The following TENM4 variants were observed in gnomAD, a reference collection of about 807,000 sequenced individuals.
TENM4 encodes the protein teneurin transmembrane protein 4.
In TENM4, 82 loss-of-function variants were observed where a neutral mutation model predicts 243.3. The observed-to-expected ratio is 0.34, with a 90% CI of 0.28 to 0.40. The LOEUF is 0.40. Among genes scored for constraint, TENM4 ranks in the 10% least tolerant of loss-of-function variants. The probability of loss-of-function intolerance (pLI) is 1.00; values close to 1 mark genes in which losing one functional copy is unlikely to be tolerated. For missense variants in TENM4, 3,138 were observed against 3,673.3 expected, an observed-to-expected ratio of 0.85 and a Z score of 3.77; for synonymous variants, 1,412 against 1,456.3, an observed-to-expected ratio of 0.97 and a Z score of 0.69.
intron 2 of TENM4, among the ~76,000 whole-genome samples, chr11:79,288,869 T>G (rs183244706): frequency 2.0e-5 from 3 of 150,650 alleles, no homozygotes; most frequent in African/African-American, 7.4e-5. Flanking sequence ...GATGACAAGA[T>G]AGTGTGTGGT....
At chr11:79,022,989 C>A (rs114952189) in intron 6 of TENM4, among the ~76,000 whole-genome samples, 4 of 152,204 alleles carry the variant, frequency 2.6e-5, no homozygotes, top group Non-Finnish European at 4.4e-5. Context: ...AGTGAAGTAA[C>A]CTGCCTGAGG....
chr11:79,322,589 C>T (rs546592383), intron 1 of TENM4, among the ~76,000 whole-genome samples: 1 of 152,000 alleles, frequency 6.6e-6, no homozygotes, highest in Non-Finnish European at 1.5e-5. Flanking sequence ...CTCCCCAAAA[C>T]ACAACACAAC....
Position 78,963,498 on chromosome 11 carries a change from G to T in TENM4, c.494-59975C>A, listed in dbSNP as rs556744212. Among the ~76,000 whole-genome samples the T allele has an allele frequency of 4.3e-4, 65 of 152,320 alleles. No individual in the cohort carries two copies. The South Asian group carries it at 0.013, about 31-fold the overall frequency. On this transcript the variant is annotated intron_variant, in intron 6 of 33. Coordinates refer to ENST00000278550, the MANE Select transcript of TENM4 (RefSeq NM_001098816.3). ...TTTCTCCCACCTTGAGTGACAGAAG[G>T]TTTATAACATAGTCATATCCATCCA...
chr11:79,072,046 G>C (rs1241729727), intron 4 of TENM4, among the ~76,000 whole-genome samples: 1 of 152,106 alleles, frequency 6.6e-6, no homozygotes, highest in African/African-American at 2.4e-5. Flanking sequence ...TCTGAGCTCT[G>C]CCATCCTGAT....
intron 6 of TENM4, among the ~76,000 whole-genome samples, chr11:78,970,420 C>T (rs879814450): frequency 2.6e-5 from 4 of 152,232 alleles, no homozygotes; most frequent in East Asian, 1.9e-4. Flanking sequence ...GTGACAGCCC[C>T]GATTTACATC....
intron 6 of TENM4, among the ~76,000 whole-genome samples, chr11:79,005,377 C>G (rs1031156289): frequency 2.0e-5 from 3 of 152,110 alleles, no homozygotes; most frequent in Non-Finnish European, 4.4e-5. Flanking sequence ...AAGTCAAATC[C>G]AGGAGCACAT....
intron 19 of TENM4, among the ~76,000 whole-genome samples, chr11:78,740,042 T>C (rs1349249288): frequency 6.6e-6 from 1 of 152,210 alleles, no homozygotes; most frequent in South Asian, 2.1e-4. Flanking sequence ...AAGCCCTCGC[T>C]GAAAGACAGC....
chr11:78,820,108 T>C (rs953464430), intron 12 of TENM4, among the ~76,000 whole-genome samples: 2 of 152,236 alleles, frequency 1.3e-5, no homozygotes, highest in African/African-American at 4.8e-5. Flanking sequence ...AAATGGAAAC[T>C]AGATAGCATA....
chr11:78,912,079 T>C (rs1856201986), intron 6 of TENM4, among the ~76,000 whole-genome samples: 1 of 152,090 alleles, frequency 6.6e-6, no homozygotes, highest in South Asian at 2.1e-4. Flanking sequence ...GGGCCTGGCA[T>C]GAGTGAGCAA....
intron 14 of TENM4, among the ~76,000 whole-genome samples, chr11:78,805,721 ATG>A (rs1430693795): frequency 6.6e-6 from 1 of 152,118 alleles, no homozygotes; most frequent in Non-Finnish European, 1.5e-5. Context: ...AAAGTAAGAA[ATG>A]TGTCTCAAGC....
chr11:79,137,877 T>C (rs377572871), intron 4 of TENM4, among the ~76,000 whole-genome samples: 1 of 152,094 alleles, frequency 6.6e-6, no homozygotes, highest in Non-Finnish European at 1.5e-5. Flanking sequence ...AGATTATGTA[T>C]GATCTCAAGA....
chr11:79,001,627 CTTACTATTCTCCT>C (rs1163794677), intron 6 of TENM4, among the ~76,000 whole-genome samples: 5 of 152,190 alleles, frequency 3.3e-5, no homozygotes, highest in African/African-American at 9.7e-5. Context: ...TTCTCCATGG[CTTACTATTCTCCT>C]TTAGGAGATT....
At position 78,889,951 on chromosome 11, in the gene TENM4, C is replaced by T. The variant is rs547849731; in HGVS notation, c.918G>A (p.Thr306=). The stretch of plus-strand genomic sequence containing the variant: ...GCGGAGGAGAGTACACTGTGCTGGA[C>T]GTCAGTGGGTACCCTGGTGATGTGG... ...FCTTSPGYPL[T]SSTVYSPPPR... The change falls in exon 9 of 34, where the codon ACG becomes ACA. Residue 306 remains threonine, a synonymous_variant. Transcript: ENST00000278550. 31 of 1,551,552 alleles carry T rather than the reference C, an allele frequency of 2.0e-5. No homozygotes were observed. The African/African-American group carries it at 2.2e-4, about 11-fold the overall frequency.
At position 79,440,303 on chromosome 11, in the gene TENM4, C is replaced by T. The variant is rs1422195503; in HGVS notation, c.-321+206G>A. ...CGGGGGCTGCGGCGGCTCCAGGCTC[C>T]AGAACAGCTTGCCTCTTCGGCCACC... On this transcript the variant is annotated intron_variant, in intron 1 of 33. Transcript: ENST00000278550. This position sits in a 1 kb window ranked among gnomAD's most constrained non-coding sequence, Gnocchi z 4.7. 6.6e-6 allele frequency among the ~76,000 whole-genome samples: 1 copy of T among 152,104 alleles called. No homozygotes were observed. Among genetic ancestry groups the T allele is most frequent in the East Asian group, 1.9e-4 (1 of 5,150 alleles).
intron 1 of TENM4, among the ~76,000 whole-genome samples, chr11:79,390,404 G>T (rs919612229): frequency 1.3e-5 from 2 of 152,228 alleles, no homozygotes; most frequent in Non-Finnish European, 2.9e-5. Flanking sequence ...CTTGGATATA[G>T]TTCCCTTCCT....
At chr11:79,040,179 G>T (rs185529122) in intron 6 of TENM4, among the ~76,000 whole-genome samples, 1 of 152,202 alleles carries the variant, frequency 6.6e-6, no homozygotes, top group African/African-American at 2.4e-5. Context: ...GTGCAAGGAT[G>T]TTGGGAAGTA....
chr11:79,137,555 G>T (rs952395159), intron 4 of TENM4, among the ~76,000 whole-genome samples: 1 of 152,172 alleles, frequency 6.6e-6, no homozygotes, highest in African/African-American at 2.4e-5. Flanking sequence ...GTAGAAGAAG[G>T]TTGTCATTAA....
chr11:79,326,387 C>A (rs143172280), intron 1 of TENM4, among the ~76,000 whole-genome samples: 2 of 152,280 alleles, frequency 1.3e-5, no homozygotes, highest in African/African-American at 4.8e-5. Flanking sequence ...GCCTTCCTTG[C>A]CTGTATCTTT....
chr11:78,740,117 T>C lies in TENM4; in HGVS notation c.2757-1547A>G, dbSNP rs576911476. Among the ~76,000 whole-genome samples, 5 of 152,304 alleles carry C rather than the reference T, an allele frequency of 3.3e-5. No homozygotes were observed. In the South Asian group the frequency reaches 8.3e-4, roughly 25 times the overall value. On this transcript the variant is annotated intron_variant, in intron 19 of 33. Coordinates refer to ENST00000278550, the MANE Select transcript of TENM4 (RefSeq NM_001098816.3). ...TCTATTCACCTCAGGTGAGAAGGCT[T>C]TTTCTTCTGGCCTAGGGAAGAGCTA...
Sources: allele counts gnomAD v4.1 joint callset (sites outside exome capture counted in the v4.1 genomes callset), GRCh38; gene constraint gnomAD v4.1.1; non-coding constraint Gnocchi (gnomAD v3.1); transcripts MANE v1.5; gene names NCBI Gene and HGNC (gene_info 2026-07-23, HGNC 2026-07-21).